RBAK: variants seen among roughly 807,000 people sequenced by gnomAD.
RBAK encodes RB associated KRAB zinc finger, also known as RB-associated KRAB zinc finger protein.
Under a neutral mutation model 65.8 loss-of-function variants are expected in RBAK, and 39 were observed. That is an observed-to-expected ratio of 0.59 (90% CI 0.46 to 0.77). The LOEUF (loss-of-function observed/expected upper bound fraction) is 0.77. Ranked by LOEUF, RBAK falls within the 30% of genes least tolerant of loss-of-function variation. The pLI is 0.00. For missense variants in RBAK, 884 were observed against 855.1 expected, an observed-to-expected ratio of 1.03 and a Z score of -0.42; for synonymous variants, 343 against 289.7, an observed-to-expected ratio of 1.18 and a Z score of -1.87.
rs111670490 is a variant in RBAK at position 5,054,222 on chromosome 7, T to G, written c.16-3073T>G. ...GAGTTTGAGACCAGCCTGGCCAACA[T>G]AGTGAAACCCCTTCTATACTAAAAA... On this transcript the variant is annotated intron_variant, in intron 2 of 4. Coordinates refer to ENST00000396912, the MANE Select transcript of RBAK (RefSeq NM_021163.4). 6.7e-3 allele frequency among the ~76,000 whole-genome samples: 1,019 copies of G among 152,104 alleles called. 15 individuals carry two copies. The highest frequency in any genetic ancestry group is 0.023 in the African/African-American group (970 of 41,504).
rs374791225 is a variant in RBAK, at chr7:5,065,054, C to T, written c.1598C>T (p.Pro533Leu). The change falls in exon 5 of 5, where the codon CCA (proline) becomes CTA (leucine). Residue 533 changes from proline (P) to leucine (L), a missense_variant. Transcript: ENST00000396912. This position sits in a 1 kb window ranked among gnomAD's most constrained non-coding sequence, Gnocchi z 5.3. ...GCCTTCGATGGGCACCAGCCACTTCCAAAAGGGGAGAAATCCTATGAATGT... is the reference window on the plus strand; with the variant it reads ...GCCTTCGATGGGCACCAGCCACTTCTAAAAGGGGAGAAATCCTATGAATGT... ...NSAFDGHQPL[P>L]KGEKSYECNV... 5 of 1,612,920 alleles carry T rather than the reference C, an allele frequency of 3.1e-6. No homozygotes were observed. Among genetic ancestry groups the T allele is most frequent in the Admixed American group, 3.3e-5 (2 of 59,932 alleles).
In RBAK at chr7:5,064,013, C is replaced by G. The variant is rs773280507; in HGVS notation, c.557C>G (p.Thr186Ser). 6.2e-7 allele frequency: 1 copy of G among 1,613,248 alleles called. No homozygotes were observed. The highest frequency in any genetic ancestry group is 8.5e-7 in the Non-Finnish European group (1 of 1,179,786). The part of the protein sequence containing the change: ...KMCEFNQNGD[T>S]YSHNEENILQ... Reference sequence around the variant, plus strand: ...TGTGAATTTAATCAAAATGGGGATACCTATTCTCACAATGAAGAAAATATT... The same window carrying G: ...TGTGAATTTAATCAAAATGGGGATAGCTATTCTCACAATGAAGAAAATATT... Residue 186 changes from threonine (T) to serine (S), a missense_variant, in exon 5 of 5, where the codon ACC becomes AGC. Coordinates refer to ENST00000396912, the MANE Select transcript of RBAK (RefSeq NM_021163.4). The surrounding 1 kb of genome is among the most constrained non-coding windows in gnomAD (Gnocchi z 6.3).
chr7:5,050,518 G>C (rs1417240801), intron 2 of RBAK, among the ~76,000 whole-genome samples: 1 of 152,138 alleles, frequency 6.6e-6, no homozygotes, highest in Non-Finnish European at 1.5e-5. Flanking sequence ...TAGTTCATTA[G>C]GGGAGGCAAA....
chr7:5,051,820 G>A (rs1788123430), intron 2 of RBAK, among the ~76,000 whole-genome samples: 1 of 152,214 alleles, frequency 6.6e-6, no homozygotes, highest in African/African-American at 2.4e-5. Flanking sequence ...AATAGGATCT[G>A]TCTTGGGAAA....
chr7:5,046,548 A>C (rs1787989609), intron 1 of RBAK, among the ~76,000 whole-genome samples, 152 bp downstream of exon 1: 1 of 152,126 alleles, frequency 6.6e-6, no homozygotes, highest in African/African-American at 2.4e-5. Flanking sequence ...GCTGCACCGA[A>C]CAGGCGCTGC....
At chr7:5,053,355 C>A (rs1406103801) in intron 2 of RBAK, among the ~76,000 whole-genome samples, 1 of 152,124 alleles carries the variant, frequency 6.6e-6, no homozygotes, top group African/African-American at 2.4e-5. Flanking sequence ...ATCTCATATT[C>A]ATCTTTGTTC....
At chr7:5,061,447 C>A (rs887746102) in intron 4 of RBAK, among the ~76,000 whole-genome samples, 1 of 113,666 alleles carries the variant, frequency 8.8e-6, no homozygotes, top group South Asian at 3.1e-4. Context: ...TTTTGTTTTT[C>A]TTTTTCTTTT....
In RBAK at chr7:5,066,578, A is replaced by G. The variant is rs1043192994; in HGVS notation, c.*977A>G. ...TTGTAATTTAGAAATTTTATTCACA[A>G]ACTTCTGTTTGGTACAAATACAGTG... On this transcript the variant is annotated 3_prime_UTR_variant, in exon 5 of 5. Coordinates refer to ENST00000396912, the MANE Select transcript of RBAK (RefSeq NM_021163.4). 2 of 152,164 alleles carry G rather than the reference A, an allele frequency of 1.3e-5. No individual in the cohort carries two copies. Among genetic ancestry groups the G allele is most frequent in the African/African-American group, 2.4e-5 (1 of 41,444 alleles). The allele number at this position is 152,164 out of a possible 1,614,324, so 9.4% of individuals were successfully genotyped here. A position where few individuals can be genotyped will look rare whatever the true frequency, so the allele number is the denominator to read the frequency against.
At chr7:5,057,807 A>C in intron 4 of RBAK, 28 bp downstream of exon 4, 1 of 1,613,480 alleles carries the variant, frequency 6.2e-7, no homozygotes. Flanking sequence ...CAAAGGTTAA[A>C]AAATGCTCAT....
intron 2 of RBAK, 73 bp from the exon 3 acceptor site, chr7:5,057,222 G>C (rs997323394): frequency 3.7e-6 from 6 of 1,609,426 alleles, no homozygotes; most frequent in South Asian, 3.3e-5. Context: ...TAACTTTACC[G>C]GTGGGCTTTG....
At chr7:5,057,449 C>T in intron 3 of RBAK, 28 bp downstream of exon 3, 1 of 1,614,068 alleles carries the variant, frequency 6.2e-7, no homozygotes. Context: ...TCTGAATGCT[C>T]TCAGTTGAAT....
Position 5,057,354 on chromosome 7 carries a change from G to A in RBAK, c.75G>A (p.Leu25=), listed in dbSNP as rs1410126354. ...VDFTQEEWQQ[L]DPDEKITYRD... The stretch of plus-strand genomic sequence containing the variant: ...TCACCCAGGAGGAGTGGCAGCAGCT[G>A]GACCCTGATGAGAAGATAACTTACA... Residue 25 remains leucine (L), a synonymous_variant, in exon 3 of 5, where the codon CTG becomes CTA. Transcript: ENST00000396912. 4 of 1,614,024 alleles carry A rather than the reference G, an allele frequency of 2.5e-6. No homozygotes were observed. Among genetic ancestry groups the A allele is most frequent in the Non-Finnish European group, 2.5e-6 (3 of 1,180,010 alleles).
Position 5,064,882 on chromosome 7 carries a change from C to G in RBAK, c.1426C>G (p.Arg476Gly). 6.2e-7 allele frequency: 1 copy of G among 1,613,700 alleles called. No homozygotes were observed. The highest frequency in any genetic ancestry group is 8.5e-7 in the Non-Finnish European group (1 of 1,179,788). Residue 476 changes from arginine to glycine, a missense_variant, in exon 5 of 5, where the codon CGG becomes GGG. Coordinates refer to ENST00000396912, the MANE Select transcript of RBAK (RefSeq NM_021163.4). The surrounding 1 kb of genome is among the most constrained non-coding windows in gnomAD (Gnocchi z 6.3). ...FNLNSAFIRH[R>G]KVHTEEKSHE... ...TTTAAATTCAGCCTTCATTAGACATCGGAAAGTACACACAGAAGAGAAATC... is the reference window on the plus strand; with the variant it reads ...TTTAAATTCAGCCTTCATTAGACATGGGAAAGTACACACAGAAGAGAAATC...
In RBAK at chr7:5,057,241, T is replaced by C; in HGVS notation, c.16-54T>C. 3.7e-6 allele frequency: 6 copies of C among 1,612,130 alleles called. No individual in the cohort carries two copies. The South Asian group carries it at 5.5e-5, about 15-fold the overall frequency. ...TTTACCGGTGGGCTTTGTAAAACGT[T>C]ATCCCCCTATCCCTTTTCCGTATCT... is the stretch of plus-strand genomic sequence containing the variant. On this transcript the variant is annotated intron_variant, in intron 2 of 4. Transcript: ENST00000396912.
chr7:5,063,546 G>C, intron 4 of RBAK, 149 bp from the exon 5 acceptor site: 1 of 566,352 alleles, frequency 1.8e-6, no homozygotes. Flanking sequence ...AAAGGAAAAA[G>C]AGAACTATGC....
In RBAK at chr7:5,065,597, T is replaced by C. The variant is rs759867859; in HGVS notation, c.2141T>C (p.Leu714Pro). The change falls in exon 5 of 5, where the codon CTC becomes CCC. Residue 714 changes from leucine (L) to proline (P), a missense_variant. Coordinates refer to ENST00000396912, the MANE Select transcript of RBAK (RefSeq NM_021163.4). This position sits in a 1 kb window ranked among gnomAD's most constrained non-coding sequence, Gnocchi z 5.3. ...GNMNVLDVEN[L>P] ...ATGAACGTACTTGATGTGGAAAATC[T>C]CTGAAGTCAGATCTCAATTTTTAGA... is the stretch of plus-strand genomic sequence containing the variant. 1 of 1,505,088 alleles carries C rather than the reference T, an allele frequency of 6.6e-7. No homozygotes were observed. The allele number at this position is 1,505,088 out of a possible 1,614,324, so 93.2% of individuals were successfully genotyped here. A position where few individuals can be genotyped will look rare whatever the true frequency, so the allele number is the denominator to read the frequency against.
rs1328138566 is a variant in RBAK, at chr7:5,064,401, G to T, written c.945G>T (p.Lys315Asn). Residue 315 changes from lysine to asparagine, a missense_variant, in exon 5 of 5, where the codon AAG (lysine) becomes AAT (asparagine). Physicochemically the swap from Lys to Asn is moderately conservative, Grantham distance 94. Transcript: ENST00000396912. The surrounding 1 kb of genome is among the most constrained non-coding windows in gnomAD (Gnocchi z 6.3). Reference protein sequence around the residue: ...TVHRRSHLEEKPYKCNECGKT... With the variant: ...TVHRRSHLEENPYKCNECGKT... Reference sequence around the variant, plus strand: ...ATCGGAGATCACACTTAGAGGAGAAGCCCTATAAATGTAATGAATGTGGGA... The same window carrying T: ...ATCGGAGATCACACTTAGAGGAGAATCCCTATAAATGTAATGAATGTGGGA... The T allele has an allele frequency of 1.2e-6, 2 of 1,613,804 alleles. No homozygotes were observed. The highest frequency in any genetic ancestry group is 1.7e-5 in the Admixed American group (1 of 59,982).
chr7:5,069,012 G>T lies in RBAK; in HGVS notation c.*3411G>T, dbSNP rs572277677. ...TAAAATTAGGGTAGCAGTTAGCCTT[G>T]GCCAAGGCTGAAAGGGGGCATTTAT... On this transcript the variant is annotated 3_prime_UTR_variant, in exon 5 of 5. Transcript: ENST00000396912. 2.0e-4 allele frequency: 31 copies of T among 152,314 alleles called. No individual in the cohort carries two copies. Among genetic ancestry groups the T allele is most frequent in the African/African-American group, 6.7e-4 (28 of 41,562 alleles). The allele number at this position is 152,314 out of a possible 1,614,324, so 9.4% of individuals were successfully genotyped here. A position where few individuals can be genotyped will look rare whatever the true frequency, so the allele number is the denominator to read the frequency against.
At chr7:5,062,005 T>C (rs973778992) in intron 4 of RBAK, among the ~76,000 whole-genome samples, 1 of 152,154 alleles carries the variant, frequency 6.6e-6, no homozygotes, top group Non-Finnish European at 1.5e-5. Flanking sequence ...TCTGTAAACG[T>C]GAGGAAATCA....
Sources: allele counts gnomAD v4.1 joint callset (sites outside exome capture counted in the v4.1 genomes callset), GRCh38; gene constraint gnomAD v4.1.1; non-coding constraint Gnocchi (gnomAD v3.1); transcripts MANE v1.5; gene names NCBI Gene and HGNC (gene_info 2026-07-23, HGNC 2026-07-21).